The following MTUS2 variants were observed in gnomAD, a reference collection of about 807,000 sequenced individuals.
MTUS2 encodes the protein microtubule-associated tumor suppressor candidate 2.
In MTUS2, 40 loss-of-function variants were observed where a neutral mutation model predicts 114.1. That is an observed-to-expected ratio of 0.35 (90% confidence interval 0.27 to 0.46). The LOEUF is 0.46. Among genes scored for constraint, MTUS2 ranks in the 20% least tolerant of loss-of-function variants. MTUS2 has a pLI of 1.00. For missense variants in MTUS2, 1,679 were observed against 1,705.4 expected (o/e 0.98, Z 0.27); for synonymous variants, 688 against 672.0 (o/e 1.02, Z -0.37).
At chr13:29,294,239 A>G (rs940306872) in intron 6 of MTUS2, among the ~76,000 whole-genome samples, 2 of 152,036 alleles carry the variant, frequency 1.3e-5, no homozygotes, top group Non-Finnish European at 2.9e-5. Context: ...TTTTTTTCAT[A>G]CCTCAGTTAT....
At chr13:29,136,934 A>G (rs1892003824) in intron 5 of MTUS2, among the ~76,000 whole-genome samples, 1 of 152,138 alleles carries the variant, frequency 6.6e-6, no homozygotes, top group Non-Finnish European at 1.5e-5. Context: ...ATGTGATGCT[A>G]TTTCCAGGTA....
intron 2 of MTUS2, among the ~76,000 whole-genome samples, chr13:28,934,749 C>G (rs1593312577): frequency 6.6e-6 from 1 of 152,194 alleles, no homozygotes; most frequent in East Asian, 1.9e-4. Flanking sequence ...TCTTGAACTC[C>G]TGACCTCAGG....
intron 4 of MTUS2, among the ~76,000 whole-genome samples, chr13:29,072,689 T>C (rs1888997726): frequency 6.6e-6 from 1 of 152,236 alleles, no homozygotes; most frequent in African/African-American, 2.4e-5. Context: ...TAATTTGCTT[T>C]TGGACCTCTG....
intron 8 of MTUS2, among the ~76,000 whole-genome samples, chr13:29,424,679 T>C (rs776106992): frequency 6.6e-6 from 1 of 152,180 alleles, no homozygotes; most frequent in Non-Finnish European, 1.5e-5. Flanking sequence ...AAATTGAACT[T>C]GAATCTAACC....
At chr13:28,852,401 T>A (rs1876337726) in intron 2 of MTUS2, among the ~76,000 whole-genome samples, 1 of 152,122 alleles carries the variant, frequency 6.6e-6, no homozygotes, top group South Asian at 2.1e-4. Context: ...ATTAAATATC[T>A]GTTAGAAAAA....
intron 4 of MTUS2, among the ~76,000 whole-genome samples, chr13:29,090,420 G>A (rs1318945933): frequency 6.6e-6 from 1 of 152,158 alleles, no homozygotes; most frequent in Non-Finnish European, 1.5e-5. Context: ...CTGGGGTCGT[G>A]GGGGCTGCAG....
At chr13:28,870,961 G>A (rs562838696) in intron 2 of MTUS2, among the ~76,000 whole-genome samples, 213 of 152,174 alleles carry the variant, frequency 1.4e-3, no homozygotes, top group African/African-American at 4.4e-3. Context: ...GGGAATTTTG[G>A]TGCATCATTA....
chr13:28,871,262 A>G (rs1419411317), intron 2 of MTUS2, among the ~76,000 whole-genome samples: 1 of 152,186 alleles, frequency 6.6e-6, no homozygotes, highest in African/African-American at 2.4e-5. Flanking sequence ...CTATCTCCTT[A>G]TGTTATTTCA....
intron 2 of MTUS2, among the ~76,000 whole-genome samples, chr13:28,869,799 A>G (rs1877514006): frequency 6.6e-6 from 1 of 152,142 alleles, no homozygotes; most frequent in South Asian, 2.1e-4. Flanking sequence ...CAAAAAAAGT[A>G]GTAAAACCAA....
intron 5 of MTUS2, among the ~76,000 whole-genome samples, chr13:29,230,115 G>A (rs1354603776): frequency 2.0e-5 from 3 of 152,008 alleles, no homozygotes; most frequent in Admixed American, 1.3e-4. Flanking sequence ...GCATGGTGGT[G>A]GGCACCTGTA....
intron 2 of MTUS2, among the ~76,000 whole-genome samples, chr13:28,957,034 A>AG (rs1340878016): frequency 6.6e-6 from 1 of 152,206 alleles, no homozygotes; most frequent in East Asian, 1.9e-4. Context: ...AGGCTGCCCT[A>AG]GAGAAAGAGC....
At chr13:29,445,434 A>G (rs912634200) in intron 9 of MTUS2, among the ~76,000 whole-genome samples, 5 of 152,184 alleles carry the variant, frequency 3.3e-5, no homozygotes, top group Admixed American at 2.6e-4. Flanking sequence ...CCAATCTGCT[A>G]TAAACTCAGA....
intron 15 of MTUS2, among the ~76,000 whole-genome samples, chr13:29,501,902 C>G (rs533241710): frequency 3.3e-5 from 5 of 152,332 alleles, no homozygotes; most frequent in East Asian, 1.9e-4. Flanking sequence ...CATACACTTA[C>G]GCACACACTC....
At chr13:29,234,312 G>C (rs190747748) in intron 5 of MTUS2, among the ~76,000 whole-genome samples, 1 of 152,130 alleles carries the variant, frequency 6.6e-6, no homozygotes, top group Admixed American at 6.5e-5. Flanking sequence ...GGATTCCACC[G>C]AAGACTCCTC....
intron 6 of MTUS2, among the ~76,000 whole-genome samples, chr13:29,316,769 A>G (rs1254865672): frequency 1.3e-5 from 2 of 152,242 alleles, no homozygotes; most frequent in Non-Finnish European, 2.9e-5. Context: ...CAAACCAGTA[A>G]TACCAATAAT....
intron 9 of MTUS2, among the ~76,000 whole-genome samples, chr13:29,462,420 A>G (rs538968237): frequency 1.9e-4 from 29 of 152,312 alleles, no homozygotes; most frequent in Admixed American, 1.7e-3. Context: ...CTGAGATTAA[A>G]TGGTACAGGA....
chr13:28,914,218 C>T (rs938862058), intron 2 of MTUS2, among the ~76,000 whole-genome samples: 3 of 151,868 alleles, frequency 2.0e-5, no homozygotes, highest in Non-Finnish European at 4.4e-5. Context: ...TTCAGCTTTT[C>T]GATATGGGCA....
intron 2 of MTUS2, among the ~76,000 whole-genome samples, chr13:28,996,591 A>G (rs1885119961): frequency 6.6e-6 from 1 of 152,166 alleles, no homozygotes; most frequent in Admixed American, 6.5e-5. Flanking sequence ...TTATCGGTCT[A>G]TTCAGAGATG....
intron 5 of MTUS2, among the ~76,000 whole-genome samples, chr13:29,172,783 A>G (rs1421183089): frequency 6.6e-6 from 1 of 152,240 alleles, no homozygotes; most frequent in Non-Finnish European, 1.5e-5. Context: ...CAAGTACATA[A>G]AACCATGTGA....
Sources: allele counts gnomAD v4.1 joint callset (sites outside exome capture counted in the v4.1 genomes callset), GRCh38; gene constraint gnomAD v4.1.1; transcripts MANE v1.5; gene names NCBI Gene and HGNC (gene_info 2026-07-23, HGNC 2026-07-21).